The following CUBN variants were observed in gnomAD, a reference collection of about 807,000 sequenced individuals.
CUBN encodes the protein 460 kDa receptor.
CUBN carries 282 observed loss-of-function variants against 405.3 expected under a neutral mutation model. The ratio of observed to expected loss-of-function variants is 0.70; its 90% confidence interval spans 0.63 to 0.77. The LOEUF (loss-of-function observed/expected upper bound fraction) is 0.77, where lower values mean the gene tolerates loss of function less well. Ranked by LOEUF, CUBN falls within the 30% of genes least tolerant of loss-of-function variation. The pLI is 0.00. For synonymous variants in CUBN, 1,684 were observed against 1,617.0 expected, an observed-to-expected ratio of 1.04 and a Z score of -0.99; for missense variants, 4,514 against 4,475.2, an observed-to-expected ratio of 1.01 and a Z score of -0.25.
chr10:16,984,355 A>ACC, intron 29 of CUBN, 76 bp from the exon 30 acceptor site: 1 of 1,370,408 alleles, frequency 7.3e-7, no homozygotes. Flanking sequence ...GCTCATTTTG[A>ACC]CCCCCGGCTC....
In CUBN at chr10:17,065,532, A is replaced by G; in HGVS notation, c.3115T>C (p.Tyr1039His). The G allele has an allele frequency of 6.2e-7, 1 of 1,613,530 alleles. No individual in the cohort carries two copies. Among genetic ancestry groups the G allele is most frequent in the Non-Finnish European group, 8.5e-7 (1 of 1,179,538 alleles). Residue 1039 changes from tyrosine (Y) to histidine (H), a missense_variant, in exon 22 of 67, where the codon TAT becomes CAT. Tyr to His is a moderately conservative substitution (Grantham distance 83, BLOSUM62 2). Coordinates refer to ENST00000377833, the MANE Select transcript of CUBN (RefSeq NM_001081.4). ...DLAYEGFLIN[Y>H]EAISAATACL... ...CCTGTTGCTGCACTGATTGCTTCAT[A>G]GTTTATTAAGAAGCCTTCATAAGCG...
At position 16,940,208 on chromosome 10, in the gene CUBN, C is replaced by T. The variant is rs1842616907; in HGVS notation, c.5372G>A (p.Cys1791Tyr). The change falls in exon 37 of 67, where the codon TGC becomes TAC. Residue 1791 changes from cysteine to tyrosine, a missense_variant. This residue lies in a region of CUBN where 1,613 missense variants were observed against 1,542.8 expected (regional missense o/e 1.05). Transcript: ENST00000377833. ...ACGGATCTCCACAAAATCTCTGCTG[C>T]AGTCCTGAGAGTCTTCCAACTGGAA... is the stretch of plus-strand genomic sequence containing the variant. The part of the protein sequence containing the change: ...ISFQLEDSQD[C>Y]SRDFVEIREG... 1.2e-6 allele frequency: 2 copies of T among 1,614,010 alleles called. No individual in the cohort carries two copies. The highest frequency in any genetic ancestry group is 8.5e-7 in the Non-Finnish European group (1 of 1,179,968).
chr10:17,038,421 G>T (rs2131811942), intron 27 of CUBN, among the ~76,000 whole-genome samples: 1 of 152,202 alleles, frequency 6.6e-6, no homozygotes, highest in South Asian at 2.1e-4. Flanking sequence ...TTTATTTCCA[G>T]ATCTGAAATA....
At chr10:16,997,606 G>A (rs1833772364) in intron 28 of CUBN, among the ~76,000 whole-genome samples, 1 of 152,058 alleles carries the variant, frequency 6.6e-6, no homozygotes, top group South Asian at 2.1e-4. Flanking sequence ...GAGTATACAG[G>A]CCTCACTTCC....
chr10:16,961,704 CTTTTTTT>C (rs138499807), intron 31 of CUBN, among the ~76,000 whole-genome samples: 1 of 74,038 alleles, frequency 1.4e-5, no homozygotes, highest in Non-Finnish European at 2.5e-5. Flanking sequence ...AAAGCAATCC[CTTTTTTT>C]TTTTTTTTTT....
At chr10:16,878,257 C>T (rs1342436456) in intron 56 of CUBN, among the ~76,000 whole-genome samples, 1 of 152,148 alleles carries the variant, frequency 6.6e-6, no homozygotes, top group Non-Finnish European at 1.5e-5. Context: ...CACTTCACTC[C>T]AGCCTGGGTG....
intron 60 of CUBN, among the ~76,000 whole-genome samples, chr10:16,846,442 C>T (rs1054806919): frequency 4.6e-5 from 7 of 152,078 alleles, no homozygotes; most frequent in African/African-American, 1.7e-4. Flanking sequence ...TGGGATAGTA[C>T]AGTGATTTTC....
intron 56 of CUBN, among the ~76,000 whole-genome samples, chr10:16,883,879 A>C (rs1840732307): frequency 6.6e-6 from 1 of 152,244 alleles, no homozygotes; most frequent in Non-Finnish European, 1.5e-5. Context: ...TTTACAGTTT[A>C]CGGCGTGTAG....
chr10:17,025,605 A>G (rs1834639348), intron 27 of CUBN, among the ~76,000 whole-genome samples: 1 of 152,196 alleles, frequency 6.6e-6, no homozygotes, highest in Admixed American at 6.5e-5. Flanking sequence ...GGCAAAGGGA[A>G]TCAACATTTT....
At chr10:17,115,028 G>C (rs1836858764) in intron 7 of CUBN, among the ~76,000 whole-genome samples, 1 of 152,072 alleles carries the variant, frequency 6.6e-6, no homozygotes, top group Non-Finnish European at 1.5e-5. Flanking sequence ...TGGATCACCT[G>C]AGGTCAGGAG....
chr10:16,953,773 C>G (rs1220203600), intron 32 of CUBN, among the ~76,000 whole-genome samples: 1 of 151,886 alleles, frequency 6.6e-6, no homozygotes, highest in Non-Finnish European at 1.5e-5. Context: ...ATTGCCTGAG[C>G]CTGGGAGGTC....
chr10:16,866,897 G>A (rs1251703038), intron 59 of CUBN, among the ~76,000 whole-genome samples: 2 of 152,038 alleles, frequency 1.3e-5, no homozygotes, highest in Admixed American at 6.6e-5. Context: ...TAGCAACTAG[G>A]GATAGTTCCC....
rs1835172196 is a variant in CUBN, at chr10:17,047,728, T to G, written c.3140-125A>C. On this transcript the variant is annotated intron_variant, in intron 22 of 66. Transcript: ENST00000377833. The stretch of plus-strand genomic sequence containing the variant: ...ATTTTCAATAAGCCATTCTGGAATG[T>G]GCAAATAAAGACTTCATTCTGAAAC... 8.0e-6 allele frequency: 7 copies of G among 870,388 alleles called. No individual in the cohort carries two copies. In the South Asian group the frequency reaches 1.2e-4, roughly 14 times the overall value. 53.9% of individuals were successfully genotyped at this position (870,388 alleles called of 1,614,324 possible). A position where few individuals can be genotyped will look rare whatever the true frequency, so the allele number is the denominator to read the frequency against.
intron 6 of CUBN, among the ~76,000 whole-genome samples, chr10:17,115,844 A>C (rs1836883455): frequency 6.6e-6 from 1 of 152,160 alleles, no homozygotes; most frequent in South Asian, 2.1e-4. Context: ...TAGCACTATA[A>C]ATTCTTGTGT....
At chr10:16,833,622 G>C (rs1355772107) in intron 64 of CUBN, among the ~76,000 whole-genome samples, 3 of 152,096 alleles carry the variant, frequency 2.0e-5, no homozygotes, top group Non-Finnish European at 4.4e-5. Flanking sequence ...GGATGAGGGG[G>C]GTTGCAGGGC....
At chr10:16,877,288 T>C (rs780041315) in intron 56 of CUBN, among the ~76,000 whole-genome samples, 191 bp from the exon 57 acceptor site, 1 of 152,226 alleles carries the variant, frequency 6.6e-6, no homozygotes, top group African/African-American at 2.4e-5. Flanking sequence ...ACAGGTATGA[T>C]AAAACAGGTA....
At chr10:17,011,488 C>T (rs1238362641) in intron 28 of CUBN, among the ~76,000 whole-genome samples, 2 of 151,618 alleles carry the variant, frequency 1.3e-5, no homozygotes, top group Non-Finnish European at 2.9e-5. Flanking sequence ...CAAACCTTCA[C>T]AGTGAGTGTT....
rs756365761 is a variant in CUBN at position 17,045,012 on chromosome 10, G to A, written c.3667C>T (p.Leu1223=). ...EHHPNCTLDY[L]AVYDGPSSNS... ...GATGGAAACATTATACATACAGCCA[G>A]GTAATCTAAAGTGCAGTTTGGATGA... is the stretch of plus-strand genomic sequence containing the variant. Residue 1223 remains leucine (L), a synonymous_variant, in exon 25 of 67, where the codon CTG becomes TTG. Transcript: ENST00000377833. 1.9e-6 allele frequency: 3 copies of A among 1,613,786 alleles called. No homozygotes were observed. The highest frequency in any genetic ancestry group is 2.2e-5 in the South Asian group (2 of 91,074).
chr10:17,115,477 A>G lies in CUBN; in HGVS notation c.714T>C (p.Ala238=). 1 of 1,613,966 alleles carries G rather than the reference A, an allele frequency of 6.2e-7. No homozygotes were observed. The highest frequency in any genetic ancestry group is 8.5e-7 in the Non-Finnish European group (1 of 1,179,954). Residue 238 remains alanine (A), a synonymous_variant, in exon 7 of 67, where the codon GCT becomes GCC. Coordinates refer to ENST00000377833, the MANE Select transcript of CUBN (RefSeq NM_001081.4). ...ATTTGGGGAAGGGACCCACCTCTCCAGCTTGCTCTCGCATTAAATCCTCAC... is the reference window on the plus strand; with the variant it reads ...ATTTGGGGAAGGGACCCACCTCTCCGGCTTGCTCTCGCATTAAATCCTCAC... ...GICEDLMREQ[A]GEPKYSCVCD...
Sources: allele counts gnomAD v4.1 joint callset (sites outside exome capture counted in the v4.1 genomes callset), GRCh38; gene constraint gnomAD v4.1.1; regional missense constraint gnomAD v4.1.1; transcripts MANE v1.5; gene names NCBI Gene and HGNC (gene_info 2026-07-23, HGNC 2026-07-21).